The following TCEA1 variants were observed in gnomAD, a reference collection of about 807,000 sequenced individuals.
TCEA1 encodes transcription elongation factor A1, also known as transcription elongation factor A protein 1.
A neutral mutation model predicts 43.8 loss-of-function variants in TCEA1; 21 were observed. The observed-to-expected ratio is 0.48, with a 90% CI of 0.34 to 0.69. TCEA1 has a LOEUF of 0.69. Among genes scored for constraint, TCEA1 ranks in the 30% least tolerant of loss-of-function variants. The pLI is 0.01. For synonymous variants in TCEA1, 104 were observed against 117.5 expected (o/e 0.88, Z 0.75); for missense variants, 250 against 365.1 (o/e 0.68, Z 2.57).
chr8:54,003,181 C>T (rs2129309816), intron 2 of TCEA1: 1 of 396,148 alleles, frequency 2.5e-6, no homozygotes, highest in Admixed American at 3.3e-5. Context: ...ATAAAAGAAA[C>T]ACACAGCTAC....
At chr8:53,972,309 G>C in intron 8 of TCEA1, 6 of 448,240 alleles carry the variant, frequency 1.3e-5, no homozygotes, top group South Asian at 1.1e-4. Context: ...TGAAAATGAA[G>C]AGGAGGATGA....
At chr8:53,990,583 A>C (rs944665365) in intron 4 of TCEA1, among the ~76,000 whole-genome samples, 1 of 151,962 alleles carries the variant, frequency 6.6e-6, no homozygotes, top group Admixed American at 6.6e-5. Context: ...GGCTAGTCTC[A>C]AACTCCTGGG....
chr8:53,987,832 A>G (rs1408566996), intron 5 of TCEA1, among the ~76,000 whole-genome samples: 1 of 152,230 alleles, frequency 6.6e-6, no homozygotes, highest in Non-Finnish European at 1.5e-5. Context: ...GAAACAAAAG[A>G]TTTGTGAGAA....
At chr8:54,003,528 A>G (rs1415341768) in intron 2 of TCEA1, among the ~76,000 whole-genome samples, 1 of 152,266 alleles carries the variant, frequency 6.6e-6, no homozygotes, top group African/African-American at 2.4e-5. Flanking sequence ...TTAAGACTCC[A>G]GAAATAAATT....
chr8:54,004,462 G>C (rs1804374919), intron 2 of TCEA1, among the ~76,000 whole-genome samples: 1 of 152,164 alleles, frequency 6.6e-6, no homozygotes, highest in Non-Finnish European at 1.5e-5. Flanking sequence ...TGAAAATTCT[G>C]ACATAAACTG....
At chr8:53,991,250 G>A (rs956008174) in intron 4 of TCEA1, among the ~76,000 whole-genome samples, 1 of 151,770 alleles carries the variant, frequency 6.6e-6, no homozygotes, top group Non-Finnish European at 1.5e-5. Flanking sequence ...AAAATTAGCT[G>A]GGTGTGTTGA....
In TCEA1 at chr8:53,966,773, A is replaced by G; in HGVS notation, c.*1331T>C. The G allele has an allele frequency of 1.5e-5, 3 of 202,150 alleles. No homozygotes were observed. Among genetic ancestry groups the G allele is most frequent in the Non-Finnish European group, 2.0e-5 (2 of 98,508 alleles). The allele number at this position is 202,150 out of a possible 1,614,324, so 12.5% of individuals were successfully genotyped here. A position where few individuals can be genotyped will look rare whatever the true frequency, so the allele number is the denominator to read the frequency against. ...TAAAAATGCTGCTTTCTGTATTACA[A>G]CAAAATGATATGCAATAAGAAATTG... On this transcript the variant is annotated 3_prime_UTR_variant, in exon 10 of 10. Transcript: ENST00000521604.
At chr8:53,983,469 T>C (rs1343437615) in intron 7 of TCEA1, among the ~76,000 whole-genome samples, 3 of 152,236 alleles carry the variant, frequency 2.0e-5, no homozygotes, top group Non-Finnish European at 4.4e-5. Context: ...ATTTCATTTT[T>C]TCCATAATTC....
Position 53,993,607 on chromosome 8 carries a change from A to C in TCEA1, c.320+61T>G, listed in dbSNP as rs776734762. On this transcript the variant is annotated intron_variant, in intron 4 of 9. Coordinates refer to ENST00000521604, the MANE Select transcript of TCEA1 (RefSeq NM_006756.4). ...AAATAGGGGAACATTAGACAGGGGA[A>C]TTGATGCAGGAAGTAAAACTATGAC... The C allele has an allele frequency of 8.9e-5, 123 of 1,374,598 alleles. No homozygotes were observed. In the Middle Eastern group the frequency reaches 1.8e-3, roughly 20 times the overall value. The allele number at this position is 1,374,598 out of a possible 1,614,324, so 85.2% of individuals were successfully genotyped here.
intron 1 of TCEA1, among the ~76,000 whole-genome samples, chr8:54,015,098 A>G (rs1804780627): frequency 6.6e-6 from 1 of 152,202 alleles, no homozygotes; most frequent in Non-Finnish European, 1.5e-5. Flanking sequence ...CAAGTAAAAC[A>G]GTTACTTCTT....
chr8:53,976,942 A>G lies in TCEA1; in HGVS notation c.825+2083T>C, dbSNP rs1010251214. Among the ~76,000 whole-genome samples, 4 of 152,254 alleles carry G rather than the reference A, an allele frequency of 2.6e-5. No homozygotes were observed. In the East Asian group the frequency reaches 5.8e-4, roughly 22 times the overall value. On this transcript the variant is annotated intron_variant, in intron 8 of 9. Coordinates refer to ENST00000521604, the MANE Select transcript of TCEA1 (RefSeq NM_006756.4). Reference sequence around the variant, plus strand: ...GGACTTCAGACTAGTTAAATTAAGTATATCTGAAAATAGAGATTACATGTC... The same window carrying G: ...GGACTTCAGACTAGTTAAATTAAGTGTATCTGAAAATAGAGATTACATGTC...
At chr8:54,020,794 A>T (rs992363149) in intron 1 of TCEA1, among the ~76,000 whole-genome samples, 2 of 152,220 alleles carry the variant, frequency 1.3e-5, no homozygotes, top group Admixed American at 6.5e-5. Flanking sequence ...TTTGACATGG[A>T]ATTTACTTCA....
intron 1 of TCEA1, among the ~76,000 whole-genome samples, chr8:54,020,640 A>G (rs1416165786): frequency 6.6e-6 from 1 of 152,204 alleles, no homozygotes; most frequent in Non-Finnish European, 1.5e-5. Flanking sequence ...AGTAGTACTT[A>G]ATCTCTCTCA....
chr8:53,993,160 A>G (rs1803935384), intron 4 of TCEA1, among the ~76,000 whole-genome samples: 1 of 143,988 alleles, frequency 6.9e-6, no homozygotes, highest in Non-Finnish European at 1.5e-5. Context: ...TTTGGTAGAG[A>G]AAGGGTTTCA....
intron 3 of TCEA1, among the ~76,000 whole-genome samples, chr8:53,994,489 A>G (rs1803983899): frequency 6.6e-6 from 1 of 152,230 alleles, no homozygotes; most frequent in African/African-American, 2.4e-5. Flanking sequence ...CTTTCATAGA[A>G]AATACCTCAG....
intron 1 of TCEA1, among the ~76,000 whole-genome samples, chr8:54,018,625 C>A (rs1804920257): frequency 6.6e-6 from 1 of 152,166 alleles, no homozygotes; most frequent in African/African-American, 2.4e-5. Flanking sequence ...ATCAAAGTGA[C>A]AAGAAAACAG....
intron 8 of TCEA1, among the ~76,000 whole-genome samples, chr8:53,978,142 T>C (rs916172050): frequency 5.3e-5 from 8 of 152,176 alleles, no homozygotes; most frequent in African/African-American, 1.9e-4. Context: ...CTCATGCCTG[T>C]ATTCCCAGTA....
chr8:54,015,205 T>A (rs1470044417), intron 1 of TCEA1, among the ~76,000 whole-genome samples: 2 of 151,978 alleles, frequency 1.3e-5, no homozygotes, highest in Non-Finnish European at 2.9e-5. Context: ...AGTCTCACTG[T>A]GTCGCCCAGG....
chr8:53,987,471 A>C (rs1803725312), intron 5 of TCEA1, among the ~76,000 whole-genome samples: 1 of 152,234 alleles, frequency 6.6e-6, no homozygotes, highest in African/African-American at 2.4e-5. Flanking sequence ...AAGGAAATAA[A>C]CTAGGCAGAA....
Sources: gnomAD v4.1 joint callset for allele counts (sites outside exome capture counted in the v4.1 genomes callset) on GRCh38, gnomAD v4.1.1 for gene constraint, MANE v1.5 for transcripts, NCBI Gene and HGNC (gene_info 2026-07-23, HGNC 2026-07-21) for gene names.